The following AGBL4 variants were observed in gnomAD, a reference collection of about 807,000 sequenced individuals.
AGBL4 encodes cytosolic carboxypeptidase 6.
A neutral mutation model predicts 66.4 loss-of-function variants in AGBL4; 58 were observed. That is an observed-to-expected ratio of 0.87 (90% CI 0.71 to 1.09). The LOEUF (loss-of-function observed/expected upper bound fraction) is 1.09, where lower values mean the gene tolerates loss of function less well. Among genes scored for constraint, AGBL4 ranks in the 50% least tolerant of loss-of-function variants. The pLI is 0.00. For missense variants in AGBL4, 579 were observed against 631.0 expected, an observed-to-expected ratio of 0.92 and a Z score of 0.88; for synonymous variants, 234 against 222.9, an observed-to-expected ratio of 1.05 and a Z score of -0.44.
At chr1:49,278,440 T>A (rs549041157) in intron 3 of AGBL4, among the ~76,000 whole-genome samples, 1 of 152,278 alleles carries the variant, frequency 6.6e-6, no homozygotes, top group East Asian at 1.9e-4. Flanking sequence ...TCAAAGCACC[T>A]GGGAATTACA....
rs547417297 is a variant in AGBL4, at chr1:49,653,656, C to T, written c.282+43657G>A. Among the ~76,000 whole-genome samples, 19 of 151,366 alleles carry T rather than the reference C, an allele frequency of 1.3e-4. No individual in the cohort carries two copies. The South Asian group carries it at 1.7e-3, about 13-fold the overall frequency. On this transcript the variant is annotated intron_variant, in intron 3 of 13. Transcript: ENST00000371839. The stretch of plus-strand genomic sequence containing the variant: ...GACCTGACGGAGCTGAAAAACACAA[C>T]ATGAGAAGTTCACAATGCAAACACA...
intron 2 of AGBL4, among the ~76,000 whole-genome samples, chr1:49,738,491 C>T (rs746862159): frequency 3.3e-5 from 5 of 152,138 alleles, no homozygotes; most frequent in South Asian, 2.1e-4. Flanking sequence ...AGGGCATAGC[C>T]AAACAAAAGG....
At chr1:49,292,710 A>G (rs1386150330) in intron 3 of AGBL4, among the ~76,000 whole-genome samples, 1 of 152,050 alleles carries the variant, frequency 6.6e-6, no homozygotes, top group Non-Finnish European at 1.5e-5. Context: ...TGCTGCAGAG[A>G]GGAGCTACCC....
At chr1:48,722,262 C>T (rs1007843476) in intron 6 of AGBL4, among the ~76,000 whole-genome samples, 2 of 151,558 alleles carry the variant, frequency 1.3e-5, no homozygotes, top group Non-Finnish European at 2.9e-5. Flanking sequence ...GGAACAGGGA[C>T]GAATGCAAAG....
chr1:48,557,138 T>A (rs576323072), intron 11 of AGBL4, among the ~76,000 whole-genome samples: 7 of 152,304 alleles, frequency 4.6e-5, no homozygotes, highest in African/African-American at 1.7e-4. Flanking sequence ...ATTGCAACAA[T>A]GATGTCTGCT....
chr1:49,874,818 T>C (rs905490933), intron 1 of AGBL4, among the ~76,000 whole-genome samples: 10 of 152,162 alleles, frequency 6.6e-5, no homozygotes, highest in Non-Finnish European at 1.2e-4. Flanking sequence ...TTTTTTGTTT[T>C]GTTTTGTTTT....
chr1:49,751,864 T>G (rs184036563), intron 2 of AGBL4, among the ~76,000 whole-genome samples: 2 of 152,320 alleles, frequency 1.3e-5, no homozygotes, highest in African/African-American at 4.8e-5. Context: ...TTATTTTGCA[T>G]AGAGATTTTT....
intron 5 of AGBL4, among the ~76,000 whole-genome samples, chr1:48,981,762 G>A (rs1188418718): frequency 6.6e-6 from 1 of 152,114 alleles, no homozygotes. Flanking sequence ...GTGCGTGCTT[G>A]GAATCTACTA....
chr1:48,901,132 T>G (rs1317257775), intron 5 of AGBL4, among the ~76,000 whole-genome samples: 1 of 152,172 alleles, frequency 6.6e-6, no homozygotes, highest in African/African-American at 2.4e-5. Flanking sequence ...CTCAATATCA[T>G]TAGTCATTAG....
At chr1:48,554,922 A>G (rs1644299178) in intron 11 of AGBL4, among the ~76,000 whole-genome samples, 1 of 152,206 alleles carries the variant, frequency 6.6e-6, no homozygotes, top group African/African-American at 2.4e-5. Context: ...CTTTCTTAAA[A>G]TTAATTCATT....
intron 1 of AGBL4, among the ~76,000 whole-genome samples, chr1:49,896,761 T>C (rs1178822391): frequency 6.6e-6 from 1 of 151,754 alleles, no homozygotes; most frequent in Non-Finnish European, 1.5e-5. Context: ...TCCTCATGCA[T>C]GACCAAGTAG....
chr1:49,803,575 C>A (rs984445486), intron 2 of AGBL4, among the ~76,000 whole-genome samples: 1 of 152,156 alleles, frequency 6.6e-6, no homozygotes, highest in African/African-American at 2.4e-5. Context: ...CTGCCACTAG[C>A]CAGCTCTGTG....
At chr1:48,543,947 C>T (rs953270619) in intron 11 of AGBL4, among the ~76,000 whole-genome samples, 19 of 152,190 alleles carry the variant, frequency 1.2e-4, no homozygotes, top group South Asian at 2.1e-4. Context: ...AGGACTCAAA[C>T]CCAGGCAGGT....
At chr1:49,306,964 AG>A (rs1184605558) in intron 3 of AGBL4, among the ~76,000 whole-genome samples, 3 of 152,182 alleles carry the variant, frequency 2.0e-5, no homozygotes, top group African/African-American at 7.2e-5. Context: ...GCACTAGGGC[AG>A]GATGAACTCA....
intron 3 of AGBL4, among the ~76,000 whole-genome samples, chr1:49,461,667 T>C (rs889586662): frequency 2.1e-4 from 28 of 135,524 alleles, no homozygotes; most frequent in African/African-American, 6.5e-4. Flanking sequence ...CCCCTCCCTG[T>C]GTCCATGTGT....
chr1:49,956,426 G>A (rs537636532), intron 1 of AGBL4, among the ~76,000 whole-genome samples: 1 of 151,714 alleles, frequency 6.6e-6, no homozygotes, highest in Non-Finnish European at 1.5e-5. Flanking sequence ...AAAATAAAAA[G>A]AGGCATAAAA....
chr1:49,868,719 A>C (rs1320969030), intron 1 of AGBL4, among the ~76,000 whole-genome samples: 1 of 152,240 alleles, frequency 6.6e-6, no homozygotes, highest in Non-Finnish European at 1.5e-5. Flanking sequence ...GAAAACGTCA[A>C]AAGCAATTGC....
At chr1:48,619,996 C>G (rs1232403951) in intron 9 of AGBL4, among the ~76,000 whole-genome samples, 1 of 152,052 alleles carries the variant, frequency 6.6e-6, no homozygotes, top group Non-Finnish European at 1.5e-5. Flanking sequence ...TGAATTGCCC[C>G]CAAAACACAC....
chr1:49,873,291 T>C (rs1646883919), intron 1 of AGBL4, among the ~76,000 whole-genome samples: 1 of 152,014 alleles, frequency 6.6e-6, no homozygotes, highest in African/African-American at 2.4e-5. Flanking sequence ...GATCTATCTA[T>C]CTAGGAATAA....
Sources: allele counts gnomAD v4.1 joint callset (sites outside exome capture counted in the v4.1 genomes callset), GRCh38; gene constraint gnomAD v4.1.1; transcripts MANE v1.5; gene names NCBI Gene and HGNC (gene_info 2026-07-23, HGNC 2026-07-21).